Variants in PCDHGB1 observed in about 807,000 individuals in gnomAD.
PCDHGB1 encodes protocadherin gamma-B1.
In PCDHGB1, 34 loss-of-function variants were observed where a neutral mutation model predicts 56.6. The ratio of observed to expected loss-of-function variants is 0.60; its 90% CI spans 0.46 to 0.80. The LOEUF is 0.80. Ranked by LOEUF, PCDHGB1 falls within the 30% of genes least tolerant of loss-of-function variation. The probability of loss-of-function intolerance (pLI) is 0.00; values close to 1 mark genes in which losing one functional copy is unlikely to be tolerated. For missense variants in PCDHGB1, 1,278 were observed against 1,204.6 expected (o/e 1.06, Z -0.90); for synonymous variants, 561 against 505.9 (o/e 1.11, Z -1.46).
intron 1 of PCDHGB1, among the ~76,000 whole-genome samples, chr5:141,367,949 A>G (rs144686232): frequency 4.9e-4 from 75 of 152,326 alleles, no homozygotes; most frequent in African/African-American, 1.7e-3. Context: ...AAAATTTTAA[A>G]TTTCATATCT....
chr5:141,400,054 C>T, intron 1 of PCDHGB1: 2 of 1,613,622 alleles, frequency 1.2e-6, no homozygotes, highest in Non-Finnish European at 1.7e-6. Flanking sequence ...GGTTGCTGTG[C>T]GTGATGGTGG....
At chr5:141,383,985 T>C (rs924124642) in intron 1 of PCDHGB1, 1 of 1,613,822 alleles carries the variant, frequency 6.2e-7, no homozygotes, top group African/African-American at 1.3e-5. Flanking sequence ...ACACACCTCT[T>C]GGGACAGTCA....
chr5:141,370,319 C>T (rs1357424627), intron 1 of PCDHGB1: 1 of 1,336,732 alleles, frequency 7.5e-7, no homozygotes, highest in Non-Finnish European at 1.0e-6. Context: ...ATAGTTGGTC[C>T]TGCTCGGAGA....
At chr5:141,417,712 C>T in intron 1 of PCDHGB1, 1 of 1,270,436 alleles carries the variant, frequency 7.9e-7, no homozygotes, top group Non-Finnish European at 1.1e-6. Context: ...ACAGAGGCTC[C>T]CGGCTGCGCA....
At chr5:141,395,179 A>G in intron 1 of PCDHGB1, 1 of 1,614,164 alleles carries the variant, frequency 6.2e-7, no homozygotes, top group Non-Finnish European at 8.5e-7. Flanking sequence ...GAGAAAAATG[A>G]TTCTTTGTTA....
intron 1 of PCDHGB1, among the ~76,000 whole-genome samples, chr5:141,467,075 C>A (rs2099136382): frequency 6.9e-6 from 1 of 145,470 alleles, no homozygotes; most frequent in Non-Finnish European, 1.5e-5. Flanking sequence ...TTTTTTTAGA[C>A]CAAGTCTCAC....
intron 1 of PCDHGB1, chr5:141,475,839 CAG>C: frequency 2.3e-6 from 1 of 433,254 alleles, no homozygotes; most frequent in Non-Finnish European, 4.1e-6. Flanking sequence ...GTGTCCTGCT[CAG>C]AGAGCCCGGC....
chr5:141,412,000 C>G (rs936679371), intron 1 of PCDHGB1: 4 of 151,788 alleles, frequency 2.6e-5, no homozygotes, highest in East Asian at 1.9e-4. Flanking sequence ...GGCATAGTGA[C>G]ATAAACACTT....
intron 1 of PCDHGB1, chr5:141,417,773 T>C: frequency 6.9e-7 from 1 of 1,458,374 alleles, no homozygotes; most frequent in South Asian, 1.4e-5. Context: ...GGACTCCTCC[T>C]GTCCTGGGCC....
intron 1 of PCDHGB1, chr5:141,376,461 T>C: frequency 1.2e-6 from 2 of 1,614,210 alleles, no homozygotes; most frequent in South Asian, 1.1e-5. Flanking sequence ...CCTCTTCTGA[T>C]AACTCAGGAT....
Position 141,485,785 on chromosome 5 carries a change from G to C in PCDHGB1, c.2410-9022G>C. ...TGGAGAAGCCTTTGGATCGAGAGAAGCAATCGGACTACCGCCTGGTGCTGA... is the reference window on the plus strand; with the variant it reads ...TGGAGAAGCCTTTGGATCGAGAGAACCAATCGGACTACCGCCTGGTGCTGA... On this transcript the variant is annotated intron_variant, in intron 1 of 3. Coordinates refer to ENST00000523390, the MANE Select transcript of PCDHGB1 (RefSeq NM_018922.3). The surrounding 1 kb of genome is among the most constrained non-coding windows in gnomAD (Gnocchi z 5.7). The C allele has an allele frequency of 1.2e-6, 2 of 1,614,214 alleles. No individual in the cohort carries two copies. The highest frequency in any genetic ancestry group is 1.7e-6 in the Non-Finnish European group (2 of 1,180,030).
chr5:141,480,152 C>G (rs2099513323), intron 1 of PCDHGB1, among the ~76,000 whole-genome samples: 1 of 151,928 alleles, frequency 6.6e-6, no homozygotes, highest in African/African-American at 2.4e-5. Context: ...TAGCCAGCTC[C>G]TAGCATTTTG....
intron 1 of PCDHGB1, chr5:141,360,857 T>G: frequency 6.2e-7 from 1 of 1,613,894 alleles, no homozygotes; most frequent in Non-Finnish European, 8.5e-7. Flanking sequence ...AACCCTCCAG[T>G]GTTCAGCCAG....
chr5:141,485,546 G>C lies in PCDHGB1; in HGVS notation c.2410-9261G>C. The C allele has an allele frequency of 6.2e-7, 1 of 1,614,074 alleles. No individual in the cohort carries two copies. ...GTACCGAGCAGAGGTAGAGATCGTA[G>C]ATGTGAATGATCACGCCCCCCGTTT... is the stretch of plus-strand genomic sequence containing the variant. On this transcript the variant is annotated intron_variant, in intron 1 of 3. Coordinates refer to ENST00000523390, the MANE Select transcript of PCDHGB1 (RefSeq NM_018922.3). The surrounding 1 kb of genome is among the most constrained non-coding windows in gnomAD (Gnocchi z 5.7).
chr5:141,366,190 G>A, intron 1 of PCDHGB1: 1 of 1,613,934 alleles, frequency 6.2e-7, no homozygotes, highest in African/African-American at 1.3e-5. Context: ...TTGCGGTTGG[G>A]CTGCACACGG....
At chr5:141,366,100 G>A (rs1380197041) in intron 1 of PCDHGB1, 1 of 1,614,140 alleles carries the variant, frequency 6.2e-7, no homozygotes, top group Non-Finnish European at 8.5e-7. Flanking sequence ...TGGTGACCAA[G>A]GTGGTAGCGG....
At chr5:141,433,111 C>T (rs2097569323) in intron 1 of PCDHGB1, 1 of 1,613,966 alleles carries the variant, frequency 6.2e-7, no homozygotes, top group African/African-American at 1.3e-5. Context: ...GCCAGGAGAG[C>T]TTTGAAAAAA....
intron 1 of PCDHGB1, among the ~76,000 whole-genome samples, chr5:141,492,685 C>T (rs919981996): frequency 1.3e-5 from 2 of 152,242 alleles, no homozygotes; most frequent in African/African-American, 2.4e-5. Context: ...CAAGGGTCGG[C>T]GACCCCTCAA....
chr5:141,388,558 C>T (rs928285766), intron 1 of PCDHGB1: 21 of 1,613,792 alleles, frequency 1.3e-5, no homozygotes, highest in African/African-American at 2.7e-5. Flanking sequence ...CTAAGCAGCA[C>T]TGCACAGATA....
Sources: gnomAD v4.1 joint callset for allele counts (sites outside exome capture counted in the v4.1 genomes callset) on GRCh38, gnomAD v4.1.1 for gene constraint, Gnocchi (gnomAD v3.1) non-coding constraint, MANE v1.5 for transcripts, NCBI Gene and HGNC (gene_info 2026-07-23, HGNC 2026-07-21) for gene names.